The following FSTL5 variants were observed in gnomAD, a reference collection of about 807,000 sequenced individuals.
FSTL5 encodes the protein follistatin like 5.
In FSTL5, 62 loss-of-function variants were observed where a neutral mutation model predicts 89.1. The ratio of observed to expected loss-of-function variants is 0.70; its 90% confidence interval spans 0.57 to 0.86. The LOEUF is 0.86. FSTL5 is among the 40% of genes least tolerant of loss of function. FSTL5 has a pLI of 0.00. For synonymous variants in FSTL5, 383 were observed against 346.2 expected (o/e 1.11, Z -1.18); for missense variants, 1,057 against 1,001.6 (o/e 1.06, Z -0.75).
chr4:161,625,789 A>G (rs539598818), intron 7 of FSTL5, among the ~76,000 whole-genome samples: 1 of 152,154 alleles, frequency 6.6e-6, no homozygotes, highest in Non-Finnish European at 1.5e-5. Flanking sequence ...AAGTTCTTGA[A>G]GGAAATTAAA....
chr4:161,592,317 G>A (rs1733847593), intron 7 of FSTL5, among the ~76,000 whole-genome samples: 1 of 151,998 alleles, frequency 6.6e-6, no homozygotes, highest in Non-Finnish European at 1.5e-5. Flanking sequence ...GGGTACATAT[G>A]CAGAATGTAC....
At chr4:161,582,791 G>C (rs1460501707) in intron 8 of FSTL5, among the ~76,000 whole-genome samples, 2 of 152,020 alleles carry the variant, frequency 1.3e-5, no homozygotes, top group African/African-American at 4.8e-5. Flanking sequence ...ATTGTTGTGG[G>C]TGGCAATACG....
At chr4:162,139,952 T>A (rs938903594) in intron 1 of FSTL5, among the ~76,000 whole-genome samples, 5 of 152,082 alleles carry the variant, frequency 3.3e-5, no homozygotes, top group Admixed American at 3.3e-4. Context: ...AAAAGCTCCA[T>A]GAAGAAATGG....
chr4:161,835,038 C>T (rs1730989173), intron 4 of FSTL5, among the ~76,000 whole-genome samples: 1 of 144,734 alleles, frequency 6.9e-6, no homozygotes. Flanking sequence ...CATCATGATA[C>T]TTGACTTCAA....
At chr4:161,488,089 T>C (rs1469774966) in intron 12 of FSTL5, among the ~76,000 whole-genome samples, 1 of 152,132 alleles carries the variant, frequency 6.6e-6, no homozygotes, top group Non-Finnish European at 1.5e-5. Flanking sequence ...TAGCATTGAA[T>C]AGCCTCCAAA....
intron 6 of FSTL5, among the ~76,000 whole-genome samples, chr4:161,685,940 A>G (rs1490269241): frequency 1.3e-5 from 2 of 151,936 alleles, no homozygotes; most frequent in Non-Finnish European, 2.9e-5. Context: ...TTGTAGGCCA[A>G]TTTTGCTGAG....
intron 6 of FSTL5, among the ~76,000 whole-genome samples, chr4:161,757,680 G>A (rs764301177): frequency 1.3e-5 from 2 of 151,990 alleles, no homozygotes; most frequent in Non-Finnish European, 2.9e-5. Flanking sequence ...GTGCAATTGC[G>A]TGATCTTGGC....
At chr4:161,477,837 G>A (rs912496934) in intron 13 of FSTL5, among the ~76,000 whole-genome samples, 7 of 151,984 alleles carry the variant, frequency 4.6e-5, no homozygotes, top group African/African-American at 1.7e-4. Context: ...GATCATCAAT[G>A]TAGAAATATA....
chr4:161,992,862 ATATATATATATATATAT>A lies in FSTL5; in HGVS notation c.160+40746_160+40762del, dbSNP rs1455792031. Reference sequence around the variant, plus strand: ...AACTCCATCTCAAAAAAAAAAAAAAATATATATATATATATATATATATATATATATATATGTGTGTG... The same window carrying A: ...AACTCCATCTCAAAAAAAAAAAAAAAATATATATATATATATATGTGTGTG... On this transcript the variant is annotated intron_variant, in intron 3 of 15. Transcript: ENST00000306100. Among the ~76,000 whole-genome samples, 220 of 38,302 alleles carry A rather than the reference ATATATATATATATATAT, an allele frequency of 5.7e-3. 9 individuals are homozygous for A. The highest frequency in any genetic ancestry group is 0.022 in the African/African-American group (204 of 9,432). 25.1% of individuals were successfully genotyped at this position (38,302 alleles called of 152,430 possible).
At chr4:161,920,075 G>C (rs1733949529) in intron 4 of FSTL5, among the ~76,000 whole-genome samples, 1 of 152,164 alleles carries the variant, frequency 6.6e-6, no homozygotes, top group African/African-American at 2.4e-5. Flanking sequence ...CACTCCAGGT[G>C]CTTTTTACTG....
chr4:161,548,334 C>T (rs948952195), intron 8 of FSTL5, among the ~76,000 whole-genome samples: 2 of 151,748 alleles, frequency 1.3e-5, no homozygotes, highest in African/African-American at 4.8e-5. Flanking sequence ...TAATGAAAAC[C>T]AGGAAACAAT....
At chr4:161,411,237 A>G (rs1373455676) in intron 15 of FSTL5, among the ~76,000 whole-genome samples, 1 of 152,210 alleles carries the variant, frequency 6.6e-6, no homozygotes, top group Non-Finnish European at 1.5e-5. Flanking sequence ...GATGATTCAC[A>G]GCCAAAGTCT....
At chr4:161,511,200 C>T (rs750326588) in intron 10 of FSTL5, among the ~76,000 whole-genome samples, 7 of 152,044 alleles carry the variant, frequency 4.6e-5, no homozygotes, top group Non-Finnish European at 7.4e-5. Flanking sequence ...AATAGAAAAT[C>T]TCATACACAG....
At position 161,386,169 on chromosome 4, in the gene FSTL5, T is replaced by A; in HGVS notation, c.2122A>T (p.Ser708Cys). Residue 708 changes from serine to cysteine, a missense_variant, in exon 16 of 16, where the codon AGC (serine) becomes TGC (cysteine). Ser to Cys is a moderately radical substitution (Grantham distance 112, BLOSUM62 -1). Coordinates refer to ENST00000306100, the MANE Select transcript of FSTL5 (RefSeq NM_020116.5). ...YVSPDGHYLVSINDVKGLVRV... is the reference protein window; with the variant it reads ...YVSPDGHYLVCINDVKGLVRV... ...ACAAGACCTTTCACATCATTAATGC[T>A]GACAAGGTAGTGGCCATCTGGAGAG... is the stretch of plus-strand genomic sequence containing the variant. 6.2e-7 allele frequency: 1 copy of A among 1,614,090 alleles called. No individual in the cohort carries two copies. The highest frequency in any genetic ancestry group is 1.1e-5 in the South Asian group (1 of 91,090).
intron 4 of FSTL5, among the ~76,000 whole-genome samples, chr4:161,777,902 T>C (rs1487728665): frequency 1.3e-5 from 2 of 152,134 alleles, no homozygotes; most frequent in Admixed American, 1.3e-4. Flanking sequence ...GAGGCCAGCC[T>C]GGCCAACATG....
At chr4:161,770,196 T>G (rs1234358067) in intron 5 of FSTL5, among the ~76,000 whole-genome samples, 1 of 151,988 alleles carries the variant, frequency 6.6e-6, no homozygotes, top group East Asian at 1.9e-4. Flanking sequence ...GAGCATAGAA[T>G]GGTGATTACC....
At chr4:161,676,953 T>C (rs1737326842) in intron 6 of FSTL5, among the ~76,000 whole-genome samples, 1 of 152,052 alleles carries the variant, frequency 6.6e-6, no homozygotes, top group South Asian at 2.1e-4. Flanking sequence ...TATATTAAGT[T>C]AGCCATATTT....
At chr4:162,044,256 GC>G (rs1738087142) in intron 2 of FSTL5, among the ~76,000 whole-genome samples, 1 of 152,148 alleles carries the variant, frequency 6.6e-6, no homozygotes, top group Non-Finnish European at 1.5e-5. Flanking sequence ...TGTTTTGTTA[GC>G]AGGCATGAAA....
chr4:161,903,142 A>AT lies in FSTL5; in HGVS notation c.409+17261dup, dbSNP rs560388141. 3.3e-3 allele frequency among the ~76,000 whole-genome samples: 507 copies of AT among 151,812 alleles called. 2 individuals are homozygous for AT. The highest frequency in any genetic ancestry group is 5.5e-3 in the Non-Finnish European group (376 of 67,896). ...AGGATGTCAAAATCTAAGCTTTAACATTTTTTTTCATGTCATCCATTCATT... is the reference window on the plus strand; with the variant it reads ...AGGATGTCAAAATCTAAGCTTTAACATTTTTTTTTCATGTCATCCATTCATT... On this transcript the variant is annotated intron_variant, in intron 4 of 15. Coordinates refer to ENST00000306100, the MANE Select transcript of FSTL5 (RefSeq NM_020116.5).
Sources: gnomAD v4.1 joint callset for allele counts (sites outside exome capture counted in the v4.1 genomes callset) on GRCh38, gnomAD v4.1.1 for gene constraint, MANE v1.5 for transcripts, NCBI Gene and HGNC (gene_info 2026-07-23, HGNC 2026-07-21) for gene names.